ZNF487: variants seen among roughly 807,000 people sequenced by gnomAD.
ZNF487 encodes zinc finger protein 487.
A neutral mutation model predicts 3.0 loss-of-function variants in ZNF487; 4 were observed. The ratio of observed to expected loss-of-function variants is 1.35; its 90% CI spans 0.66 to 3.08. The LOEUF (loss-of-function observed/expected upper bound fraction) is 3.08. Ranked by LOEUF, ZNF487 falls within the 30% of genes most tolerant of loss-of-function variation. The probability of loss-of-function intolerance (pLI) is 0.01; values close to 1 mark genes in which losing one functional copy is unlikely to be tolerated. For synonymous variants in ZNF487, 55 were observed against 34.6 expected, an observed-to-expected ratio of 1.59 and a Z score of -2.06; for missense variants, 146 against 98.7, an observed-to-expected ratio of 1.48 and a Z score of -2.03.
chr10:43,441,378 GT>G (rs1839602683), intron 1 of ZNF487, among the ~76,000 whole-genome samples: 1 of 151,894 alleles, frequency 6.6e-6, no homozygotes, highest in Non-Finnish European at 1.5e-5. Context: ...CAATTCTCCT[GT>G]CTCAGCCTCC....
the ZNF487 span, among the ~76,000 whole-genome samples, chr10:43,492,321 T>C: frequency 1.3e-5 from 2 of 151,898 alleles, no homozygotes; most frequent in African/African-American, 4.9e-5. Context: ...CAAAATCTAT[T>C]GCAAATCATC....
chr10:43,452,456 C>G (rs1220024176), intron 1 of ZNF487: 1 of 152,178 alleles, frequency 6.6e-6, no homozygotes, highest in Non-Finnish European at 1.5e-5. Flanking sequence ...GGCTGGCGTG[C>G]AGGGCCCTGA....
At chr10:43,513,726 C>G in the ZNF487 span, among the ~76,000 whole-genome samples, 1 of 152,178 alleles carries the variant, frequency 6.6e-6, no homozygotes, top group Non-Finnish European at 1.5e-5. Context: ...ATTATGCATT[C>G]TGGCACTCAG....
At chr10:43,499,404 G>GT in the ZNF487 span, among the ~76,000 whole-genome samples, 30 of 151,910 alleles carry the variant, frequency 2.0e-4, no homozygotes, top group Non-Finnish European at 2.9e-4. Context: ...GATTTTGAGG[G>GT]TTTTTTTTGT....
At chr10:43,523,004 T>C in the ZNF487 span, among the ~76,000 whole-genome samples, 1 of 152,238 alleles carries the variant, frequency 6.6e-6, no homozygotes, top group African/African-American at 2.4e-5. Flanking sequence ...TTCCACTTTA[T>C]CCAGTTTTGA....
chr10:43,465,163 C>T (rs181838176), intron 1 of ZNF487, among the ~76,000 whole-genome samples: 5,341 of 121,234 alleles, frequency 0.044, 145 homozygotes, highest in South Asian at 0.14. Context: ...ACCTCCCTCC[C>T]GGAAGGGGCG....
rs117894163 is a variant in ZNF487 at position 43,459,201 on chromosome 10, G to A, written c.-93-16520G>A. Among the ~76,000 whole-genome samples the A allele has an allele frequency of 4.5e-3, 680 of 151,980 alleles. 5 individuals carry two copies. The highest frequency in any genetic ancestry group is 8.1e-3 in the East Asian group (42 of 5,158). On this transcript the variant is annotated intron_variant, in intron 1 of 3. Coordinates refer to ENST00000437590, the MANE Select transcript of ZNF487 (RefSeq NM_001355444.3). Reference sequence around the variant, plus strand: ...CCTCTTCCTGCCTCTCATTATTGCTGTTCCCAAGGTATCCAGTCTTTTTCT... The same window carrying A: ...CCTCTTCCTGCCTCTCATTATTGCTATTCCCAAGGTATCCAGTCTTTTTCT...
rs181034348 is a variant in ZNF487 at position 43,470,533 on chromosome 10, G to A, written c.-93-5188G>A. Among the ~76,000 whole-genome samples the A allele has an allele frequency of 1.2e-3, 190 of 152,098 alleles. 1 individual carries two copies. The highest frequency in any genetic ancestry group is 4.0e-3 in the African/African-American group (167 of 41,518). On this transcript the variant is annotated intron_variant, in intron 1 of 3. Transcript: ENST00000437590. ...CAAGTACCTGGGATTACAGGCATGC[G>A]TCACCACACCTGGCTAATTTTTTTG... is the stretch of plus-strand genomic sequence containing the variant.
At chr10:43,475,986 T>C (rs570376176) in intron 2 of ZNF487, 121 bp from the exon 3 acceptor site, 1 of 665,774 alleles carries the variant, frequency 1.5e-6, no homozygotes, top group Non-Finnish European at 2.8e-6. Flanking sequence ...TTCTGGGCAC[T>C]GTAAAGAATA....
intron 1 of ZNF487, among the ~76,000 whole-genome samples, chr10:43,467,789 C>T (rs956265363): frequency 6.8e-6 from 1 of 148,132 alleles, no homozygotes; most frequent in Non-Finnish European, 1.5e-5. Flanking sequence ...TGCACTCCAG[C>T]GTGGGCAACA....
the ZNF487 span, among the ~76,000 whole-genome samples, chr10:43,493,029 G>A: frequency 6.6e-6 from 1 of 151,768 alleles, no homozygotes; most frequent in Non-Finnish European, 1.5e-5. Context: ...TCAGCAGTTT[G>A]AGACCAGCCT....
intron 1 of ZNF487, among the ~76,000 whole-genome samples, chr10:43,442,262 C>G (rs1050936677): frequency 1.4e-5 from 2 of 146,384 alleles, no homozygotes; most frequent in Non-Finnish European, 3.0e-5. Flanking sequence ...ACAACAACAA[C>G]AACAACAAAA....
At chr10:43,465,183 G>A (rs1840638367) in intron 1 of ZNF487, among the ~76,000 whole-genome samples, 1 of 150,168 alleles carries the variant, frequency 6.7e-6, no homozygotes, top group Non-Finnish European at 1.5e-5. Context: ...GGCTGGCCGG[G>A]CGGGGGGCTG....
At chr10:43,519,150 A>G in the ZNF487 span, among the ~76,000 whole-genome samples, 1 of 151,806 alleles carries the variant, frequency 6.6e-6, no homozygotes, top group South Asian at 2.1e-4. Flanking sequence ...TCCTGGGCTC[A>G]AATGTTTCTT....
At chr10:43,492,520 C>T in the ZNF487 span, among the ~76,000 whole-genome samples, 3 of 151,236 alleles carry the variant, frequency 2.0e-5, 1 homozygote, top group South Asian at 4.1e-4. Flanking sequence ...GGCATGATCT[C>T]GGCTCACTGC....
chr10:43,512,628 G>T, the ZNF487 span, among the ~76,000 whole-genome samples: 1 of 152,238 alleles, frequency 6.6e-6, no homozygotes, highest in East Asian at 1.9e-4. Flanking sequence ...CCTGCCAAAG[G>T]CTCCAAACAG....
the ZNF487 span, among the ~76,000 whole-genome samples, chr10:43,504,726 T>G: frequency 0.16 from 24,506 of 151,714 alleles, 3,371 homozygotes; most frequent in African/African-American, 0.38. Flanking sequence ...TGTTGTTGTT[T>G]TTTTTTTGGA....
At chr10:43,490,947 T>C in the ZNF487 span, among the ~76,000 whole-genome samples, 1 of 149,408 alleles carries the variant, frequency 6.7e-6, no homozygotes, top group Admixed American at 6.7e-5. Flanking sequence ...GTGCTGGGAT[T>C]ACAGGCATGA....
At chr10:43,479,570 T>C (rs905314604) in intron 3 of ZNF487, among the ~76,000 whole-genome samples, 2 of 152,196 alleles carry the variant, frequency 1.3e-5, no homozygotes, top group Non-Finnish European at 2.9e-5. Flanking sequence ...CTTGAAGCAT[T>C]ACTTGTGACA....
Sources: gnomAD v4.1 joint callset for allele counts (sites outside exome capture counted in the v4.1 genomes callset) on GRCh38, gnomAD v4.1.1 for gene constraint, MANE v1.5 for transcripts, NCBI Gene and HGNC (gene_info 2026-07-23, HGNC 2026-07-21) for gene names.